Variants in MED13L observed in about 807,000 individuals in gnomAD.
The protein encoded by MED13L is mediator of RNA polymerase II transcription subunit 13-like.
Under a neutral mutation model 220.9 loss-of-function variants are expected in MED13L, and 7 were observed. The observed-to-expected ratio is 0.03, with a 90% confidence interval of 0.02 to 0.06. The LOEUF (loss-of-function observed/expected upper bound fraction) is 0.06. Among genes scored for constraint, MED13L ranks in the 10% least tolerant of loss-of-function variants. The probability of loss-of-function intolerance (pLI) is 1.00; values close to 1 mark genes in which losing one functional copy is unlikely to be tolerated. For synonymous variants in MED13L, 1,011 were observed against 1,015.2 expected, an observed-to-expected ratio of 1.00 and a Z score of 0.08; for missense variants, 1,965 against 2,760.5, an observed-to-expected ratio of 0.71 and a Z score of 6.46.
intron 2 of MED13L, among the ~76,000 whole-genome samples, chr12:116,139,970 C>CAAAA (rs36124478): frequency 1.1e-4 from 7 of 63,874 alleles, no homozygotes; most frequent in Middle Eastern, 7.4e-3. Context: ...AACTCCATCT[C>CAAAA]AAAAAAAAAA....
At chr12:116,210,983 A>G (rs1415760920) in intron 2 of MED13L, among the ~76,000 whole-genome samples, 1 of 152,178 alleles carries the variant, frequency 6.6e-6, no homozygotes, top group East Asian at 1.9e-4. Context: ...TCCAACCACA[A>G]TGAATAAACT....
At chr12:116,246,152 T>C (rs560984910) in intron 1 of MED13L, among the ~76,000 whole-genome samples, 2 of 151,654 alleles carry the variant, frequency 1.3e-5, no homozygotes, top group Non-Finnish European at 2.9e-5. Flanking sequence ...TAAATGGCTA[T>C]GCCAGCCTAA....
intron 2 of MED13L, among the ~76,000 whole-genome samples, chr12:116,119,981 T>C (rs888969595): frequency 6.6e-6 from 1 of 151,418 alleles, no homozygotes; most frequent in Non-Finnish European, 1.5e-5. Context: ...ATAATAAATA[T>C]ATTAATCATT....
chr12:116,146,602 C>G (rs938289618), intron 2 of MED13L, among the ~76,000 whole-genome samples: 1 of 152,006 alleles, frequency 6.6e-6, no homozygotes, highest in South Asian at 2.1e-4. Context: ...TGGTGACTCA[C>G]GCTTGTAATC....
In MED13L at chr12:116,277,453, G is replaced by T; in HGVS notation, c.-322C>A. The T allele has an allele frequency of 1.1e-5, 1 of 93,192 alleles. No individual in the cohort carries two copies. Among genetic ancestry groups the T allele is most frequent in the Non-Finnish European group, 2.3e-5 (1 of 44,022 alleles). 5.8% of individuals were successfully genotyped at this position (93,192 alleles called of 1,614,324 possible). A position where few individuals can be genotyped will look rare whatever the true frequency, so the allele number is the denominator to read the frequency against. On this transcript the variant is annotated 5_prime_UTR_variant, in exon 1 of 31. Transcript: ENST00000281928. ...GCCGCCTTGTTTATCTCCAGCCACC[G>T]ACTCCCCCTCGGCCCCCGCCGGCGC...
chr12:116,267,720 C>A (rs555479796), intron 1 of MED13L, among the ~76,000 whole-genome samples: 1 of 152,300 alleles, frequency 6.6e-6, no homozygotes, highest in Non-Finnish European at 1.5e-5. Flanking sequence ...AAAAGCACTG[C>A]TATACAGCTT....
At chr12:116,091,204 T>C (rs925439730) in intron 4 of MED13L, among the ~76,000 whole-genome samples, 1 of 151,970 alleles carries the variant, frequency 6.6e-6, no homozygotes, top group East Asian at 1.9e-4. Context: ...GGTATCTCTT[T>C]TACTATAAGG....
chr12:115,985,687 A>G (rs761109127), intron 19 of MED13L, among the ~76,000 whole-genome samples: 57 of 152,346 alleles, frequency 3.7e-4, no homozygotes, highest in African/African-American at 7.5e-4. Flanking sequence ...TTCATATACT[A>G]AAGATGTAAA....
intron 13 of MED13L, among the ~76,000 whole-genome samples, chr12:116,004,288 T>G (rs962023161): frequency 1.3e-5 from 2 of 152,150 alleles, no homozygotes; most frequent in African/African-American, 2.4e-5. Flanking sequence ...CAGGCAGCAC[T>G]TGGCCTCCAG....
chr12:116,191,163 A>T (rs1257649732), intron 2 of MED13L, among the ~76,000 whole-genome samples: 1 of 151,998 alleles, frequency 6.6e-6, no homozygotes, highest in Non-Finnish European at 1.5e-5. Context: ...AGTAATTTCC[A>T]AATACTTCAG....
chr12:116,269,607 G>A (rs745971535), intron 1 of MED13L, among the ~76,000 whole-genome samples: 1 of 152,036 alleles, frequency 6.6e-6, no homozygotes, highest in Non-Finnish European at 1.5e-5. Flanking sequence ...TGGGAGGACT[G>A]CTTGAGCCCA....
chr12:116,076,867 T>C (rs936282941), intron 4 of MED13L, among the ~76,000 whole-genome samples: 2 of 152,214 alleles, frequency 1.3e-5, no homozygotes, highest in African/African-American at 4.8e-5. Flanking sequence ...TTATACATCT[T>C]GGGCCCAAAG....
At chr12:116,046,236 T>C (rs1163403496) in intron 4 of MED13L, among the ~76,000 whole-genome samples, 2 of 152,152 alleles carry the variant, frequency 1.3e-5, no homozygotes, top group Non-Finnish European at 2.9e-5. Context: ...AAAAGCTGAA[T>C]CAGCTAATTT....
At position 116,245,125 on chromosome 12, in the gene MED13L, T is replaced by C. The variant is rs544229739; in HGVS notation, c.73-7420A>G. ...CCTGGACTGCAGGACACAGGCAAAC[T>C]GAAGGCACGGAACCAGAGTGAAAAC... On this transcript the variant is annotated intron_variant, in intron 1 of 30. Transcript: ENST00000281928. 2.6e-5 allele frequency among the ~76,000 whole-genome samples: 4 copies of C among 152,128 alleles called. No individual in the cohort carries two copies. The East Asian group carries it at 7.7e-4, about 29-fold the overall frequency.
intron 1 of MED13L, among the ~76,000 whole-genome samples, chr12:116,254,519 C>A (rs1248181102): frequency 6.6e-6 from 1 of 152,028 alleles, no homozygotes; most frequent in Non-Finnish European, 1.5e-5. Context: ...GAAGTCAAGG[C>A]AGGCAGATCA....
chr12:116,081,265 A>G (rs906221306), intron 4 of MED13L, among the ~76,000 whole-genome samples: 1 of 152,160 alleles, frequency 6.6e-6, no homozygotes, highest in Non-Finnish European at 1.5e-5. Context: ...CTGTTCCCTC[A>G]CTAATTAAAG....
chr12:116,257,530 C>G (rs1872161706), intron 1 of MED13L, among the ~76,000 whole-genome samples: 4 of 152,106 alleles, frequency 2.6e-5, no homozygotes, highest in Admixed American at 2.6e-4. Context: ...GAACTATATG[C>G]CATAAACTAA....
intron 2 of MED13L, among the ~76,000 whole-genome samples, chr12:116,141,952 A>G (rs1234616512): frequency 6.6e-6 from 1 of 151,564 alleles, no homozygotes; most frequent in Non-Finnish European, 1.5e-5. Flanking sequence ...TGCCCACACC[A>G]CTTGAGCCAT....
At chr12:116,066,008 T>C (rs1170991076) in intron 4 of MED13L, among the ~76,000 whole-genome samples, 1 of 152,208 alleles carries the variant, frequency 6.6e-6, no homozygotes, top group African/African-American at 2.4e-5. Context: ...GCAGAATCTG[T>C]GTGTGAATGC....
Sources: allele counts gnomAD v4.1 joint callset (sites outside exome capture counted in the v4.1 genomes callset), GRCh38; gene constraint gnomAD v4.1.1; transcripts MANE v1.5; gene names NCBI Gene and HGNC (gene_info 2026-07-23, HGNC 2026-07-21).